The following DGKQ variants were observed in gnomAD, a reference collection of about 807,000 sequenced individuals.
DGKQ encodes the protein diacylglycerol kinase theta, also known as DAG kinase theta.
Under a neutral mutation model 104.2 loss-of-function variants are expected in DGKQ, and 97 were observed. The ratio of observed to expected loss-of-function variants is 0.93; its 90% CI spans 0.79 to 1.10. The LOEUF (loss-of-function observed/expected upper bound fraction) is 1.10, where lower values mean the gene tolerates loss of function less well. Ranked by LOEUF, DGKQ falls within the 50% of genes least tolerant of loss-of-function variation. The pLI is 0.00. For synonymous variants in DGKQ, 736 were observed against 595.2 expected, an observed-to-expected ratio of 1.24 and a Z score of -3.44; for missense variants, 1,465 against 1,352.1, an observed-to-expected ratio of 1.08 and a Z score of -1.31.
At chr4:968,129 G>T in intron 5 of DGKQ, 102 bp from the exon 6 acceptor site, 1 of 862,944 alleles carries the variant, frequency 1.2e-6, no homozygotes. Flanking sequence ...GACCCACCTG[G>T]ACCCCGTGTC....
rs778465641 is a variant in DGKQ at position 967,237 on chromosome 4, G to A, written c.1112C>T (p.Ser371Leu). ...AGGKAGSAVI[S>L]EEGRSPGSGE... ...GGACCCGGGGCTTCTGCCCTCCTCCGAGATCACAGCACTCCCAGCCTTGCC... is the reference window on the plus strand; with the variant it reads ...GGACCCGGGGCTTCTGCCCTCCTCCAAGATCACAGCACTCCCAGCCTTGCC... Residue 371 changes from serine (S) to leucine (L), a missense_variant, in exon 9 of 23, where the codon TCG becomes TTG. By Grantham distance (145) the Ser-to-Leu change is moderately radical. Coordinates refer to ENST00000273814, the MANE Select transcript of DGKQ (RefSeq NM_001347.4). 12 of 1,571,400 alleles carry A rather than the reference G, an allele frequency of 7.6e-6. No homozygotes were observed. The highest frequency in any genetic ancestry group is 2.7e-5 in the African/African-American group (2 of 74,142).
rs115438176 is a variant in DGKQ, at chr4:961,971, G to A, written c.2315+11C>T. ...GCCGTTGACAGGTGGTAGCCCCTGCGGCTCCGGTACCTGCTTGTGAACTTG... is the reference window on the plus strand; with the variant it reads ...GCCGTTGACAGGTGGTAGCCCCTGCAGCTCCGGTACCTGCTTGTGAACTTG... On this transcript the variant is annotated intron_variant, in intron 19 of 22. Transcript: ENST00000273814. The A allele has an allele frequency of 7.0e-3, 11,241 of 1,612,684 alleles. 651 individuals are homozygous for A. In the African/African-American group the frequency reaches 0.13, roughly 19 times the overall value.
chr4:966,774 A>G lies in DGKQ; in HGVS notation c.1340T>C (p.Val447Ala), dbSNP rs1712386351. 4 of 1,609,860 alleles carry G rather than the reference A, an allele frequency of 2.5e-6. No homozygotes were observed. Among genetic ancestry groups the G allele is most frequent in the Non-Finnish European group, 3.4e-6 (4 of 1,178,730 alleles). The change falls in exon 11 of 23, where the codon GTG becomes GCG. Residue 447 changes from valine to alanine, a missense_variant. By Grantham distance (64) the Val-to-Ala change is moderately conservative (BLOSUM62 0). Transcript: ENST00000273814. ...GTGCCTGCAGCCCATCGCCACCTCC[A>G]CCAGCTGGAAGCTCTCGGGACTCTC... Reference protein sequence around the residue: ...QAESPESFQLVEVAMGCRHVQ... With the variant: ...QAESPESFQLAEVAMGCRHVQ...
chr4:961,847 G>A lies in DGKQ; in HGVS notation c.2316-13C>T. 1 of 1,592,670 alleles carries A rather than the reference G, an allele frequency of 6.3e-7. No individual in the cohort carries two copies. The highest frequency in any genetic ancestry group is 8.6e-7 in the Non-Finnish European group (1 of 1,168,958). On this transcript the variant is annotated splice_polypyrimidine_tract_variant and intron_variant, in intron 19 of 22. Coordinates refer to ENST00000273814, the MANE Select transcript of DGKQ (RefSeq NM_001347.4). ...CTTGTTGTGCAGCCTGCAGGACGGG[G>A]CAGGTCACCCATCACCAGGGGAAGC...
intron 15 of DGKQ, 79 bp from the exon 16 acceptor site, chr4:963,369 GC>G: frequency 7.1e-7 from 1 of 1,398,994 alleles, no homozygotes; most frequent in Non-Finnish European, 9.8e-7. Flanking sequence ...GCAGTGCCCA[GC>G]CCCCAACCCT....
chr4:962,352 G>A, intron 18 of DGKQ, 83 bp downstream of exon 18: 1 of 1,369,408 alleles, frequency 7.3e-7, no homozygotes, highest in Non-Finnish European at 9.8e-7. Flanking sequence ...GAGTGTGGCT[G>A]GGAAGAGGAC....
Position 965,496 on chromosome 4 carries a change from G to A in DGKQ, c.1613C>T (p.Ser538Phe), listed in dbSNP as rs773241510. The A allele has an allele frequency of 1.9e-6, 3 of 1,611,754 alleles. No homozygotes were observed. Among genetic ancestry groups the A allele is most frequent in the Admixed American group, 1.7e-5 (1 of 59,842 alleles). Residue 538 changes from serine to phenylalanine, a missense_variant, in exon 14 of 23, where the codon TCC (serine) becomes TTC (phenylalanine). Transcript: ENST00000273814. Reference sequence around the variant, plus strand: ...CGTCCCTCAGGGCAGCTCACCTTGGGAGGAGTAGATGTGACTCACGGACAC... The same window carrying A: ...CGTCCCTCAGGGCAGCTCACCTTGGAAGGAGTAGATGTGACTCACGGACAC... ...TVVSVSHIYS[S>F]QGAVVLDVAC...
chr4:966,915 A>AC lies in DGKQ; in HGVS notation c.1311+48dup, dbSNP rs559760996. The AC allele has an allele frequency of 1.6e-4, 249 of 1,541,406 alleles. 1 individual carries two copies. In the African/African-American group the frequency reaches 3.0e-3, roughly 19 times the overall value. ...GTGGCCTGGCCTCCTGGGGACAGCG[A>AC]CCCCCCACCGAGTCTGGCCGGCATG... On this transcript the variant is annotated intron_variant, in intron 10 of 22. Coordinates refer to ENST00000273814, the MANE Select transcript of DGKQ (RefSeq NM_001347.4).
Position 961,089 on chromosome 4 carries a change from T to C in DGKQ, c.2687A>G (p.Gln896Arg). The C allele has an allele frequency of 6.2e-7, 1 of 1,612,136 alleles. No individual in the cohort carries two copies. Among genetic ancestry groups the C allele is most frequent in the Non-Finnish European group, 8.5e-7 (1 of 1,179,562 alleles). The change falls in exon 22 of 23, where the codon CAG (glutamine) becomes CGG (arginine). Residue 896 changes from glutamine (Q) to arginine (R), a missense_variant. Coordinates refer to ENST00000273814, the MANE Select transcript of DGKQ (RefSeq NM_001347.4). ...PVQVDGEPWV[Q>R]APGHMIISAA... ...TGAGATGATCATGTGCCCCGGGGCC[T>C]GGACCCAGGGCTCCCCGTCCACCTG...
rs980085877 is a variant in DGKQ at position 971,395 on chromosome 4, G to A, written c.272-323C>T. On this transcript the variant is annotated intron_variant, in intron 1 of 22. Transcript: ENST00000273814. The surrounding 1 kb of genome is among the most constrained non-coding windows in gnomAD (Gnocchi z 4.0). ...GTTGGGCCTCTCAAGGGGCAGCCCT[G>A]GGCTCACCAGGTTCGCCAGGTGGCA... Among the ~76,000 whole-genome samples the A allele has an allele frequency of 4.6e-5, 7 of 152,226 alleles. No homozygotes were observed. The highest frequency in any genetic ancestry group is 2.1e-4 in the South Asian group (1 of 4,836).
At chr4:968,743 G>A in intron 3 of DGKQ, 68 bp downstream of exon 3, 2 of 1,467,634 alleles carry the variant, frequency 1.4e-6, no homozygotes, top group South Asian at 1.2e-5. Flanking sequence ...CACAGCAGGG[G>A]TGGGCTGGGC....
rs149082654 is a variant in DGKQ, at chr4:968,815, G to T, written c.447C>A (p.Cys149Ter). The T allele has an allele frequency of 1.9e-6, 3 of 1,609,498 alleles. No homozygotes were observed. The highest frequency in any genetic ancestry group is 2.5e-6 in the Non-Finnish European group (3 of 1,178,588). The change falls in exon 3 of 23, where the codon TGC becomes TGA. Residue 149 changes from cysteine (C) to a stop codon, truncating the protein, a stop_gained. Transcript: ENST00000273814. LOFTEE classifies it high-confidence loss of function. ...AGCCAGGCAGGCTCCAGGTACCTTC[G>T]CAGTGGAGCGCCGGTGCCTCCAGGA... is the stretch of plus-strand genomic sequence containing the variant. ...RKVLEAPALH[C>*]EVCELHLHPD...
At chr4:967,520 G>A (rs371414980) in intron 8 of DGKQ, 29 bp downstream of exon 8, 3 of 1,600,242 alleles carry the variant, frequency 1.9e-6, no homozygotes, top group African/African-American at 1.3e-5. Context: ...CTGGGAGGGG[G>A]CTCAGACCTC....
Position 967,900 on chromosome 4 carries a change from A to G in DGKQ, c.791T>C (p.Ile264Thr). Residue 264 changes from isoleucine (I) to threonine (T), a missense_variant, in exon 6 of 23, where the codon ATC (isoleucine) becomes ACC (threonine). Physicochemically the swap from Ile to Thr is moderately conservative, Grantham distance 89. Transcript: ENST00000273814. ...GGFSKTQSFR[I>T]VEAAEPGEGG... ...CTCACCCGGCTCCGCGGCCTCCACG[A>G]TGCGGAAGCTCTGCGTCTTGCTGAA... The G allele has an allele frequency of 1.4e-6, 2 of 1,453,680 alleles. No individual in the cohort carries two copies. Among genetic ancestry groups the G allele is most frequent in the Non-Finnish European group, 1.8e-6 (2 of 1,111,288 alleles). The allele number at this position is 1,453,680 out of a possible 1,614,324, so 90.0% of individuals were successfully genotyped here.
Position 963,164 on chromosome 4 carries a change from G to A in DGKQ, c.1861C>T (p.Leu621=). The A allele has an allele frequency of 2.5e-6, 4 of 1,606,932 alleles. No homozygotes were observed. Among genetic ancestry groups the A allele is most frequent in the South Asian group, 2.2e-5 (2 of 90,910 alleles). Residue 621 remains leucine (L), a synonymous_variant, in exon 16 of 23, where the codon CTG becomes TTG. Transcript: ENST00000273814. ...CCGGGAAGAGGACCTCCGTTGGTCA[G>A]GTCGAAGACCTGATGAGGGTTCAGT... ...KLLNPHQVFD[L]TNGGPLPGLH...
At chr4:960,776 T>A in intron 22 of DGKQ, 55 bp from the exon 23 acceptor site, 2 of 1,588,156 alleles carry the variant, frequency 1.3e-6, no homozygotes, top group South Asian at 2.2e-5. Flanking sequence ...GAAAGAACGG[T>A]ACACGGGCAG....
Position 966,950 on chromosome 4 carries a change from C to T in DGKQ, c.1311+14G>A, listed in dbSNP as rs980587331. 4.5e-6 allele frequency: 7 copies of T among 1,556,762 alleles called. No individual in the cohort carries two copies. The highest frequency in any genetic ancestry group is 6.1e-6 in the Non-Finnish European group (7 of 1,152,372). Reference sequence around the variant, plus strand: ...GAGTCTGGCCGGCATGGGGAGCAGGCACAGGGTACGCACCTGGCGGCCGAG... The same window carrying T: ...GAGTCTGGCCGGCATGGGGAGCAGGTACAGGGTACGCACCTGGCGGCCGAG... On this transcript the variant is annotated intron_variant, in intron 10 of 22. Coordinates refer to ENST00000273814, the MANE Select transcript of DGKQ (RefSeq NM_001347.4).
At position 968,043 on chromosome 4, in the gene DGKQ, C is replaced by A. The variant is rs1396826869; in HGVS notation, c.664-16G>T. 7.0e-7 allele frequency: 1 copy of A among 1,419,836 alleles called. No individual in the cohort carries two copies. The highest frequency in any genetic ancestry group is 9.1e-7 in the Non-Finnish European group (1 of 1,095,552). The allele number at this position is 1,419,836 out of a possible 1,614,324, so 88.0% of individuals were successfully genotyped here. A position where few individuals can be genotyped will look rare whatever the true frequency, so the allele number is the denominator to read the frequency against. Reference sequence around the variant, plus strand: ...GGGAGTGCGCCTGGGGGGAGAAGGGCCTGAGCTGGGGGGTTGGAGCCAGGG... The same window carrying A: ...GGGAGTGCGCCTGGGGGGAGAAGGGACTGAGCTGGGGGGTTGGAGCCAGGG... On this transcript the variant is annotated splice_polypyrimidine_tract_variant and intron_variant, in intron 5 of 22. Coordinates refer to ENST00000273814, the MANE Select transcript of DGKQ (RefSeq NM_001347.4).
rs368254387 is a variant in DGKQ at position 967,950 on chromosome 4, C to T, written c.741G>A (p.Ala247=). ...GRLRSLVLPP[A]CVRLLPGGFS... Reference sequence around the variant, plus strand: ...AGCCGCCGGGCAGAAGGCGCACGCACGCGGGAGGCAGGACCAGGGAGCGCA... The same window carrying T: ...AGCCGCCGGGCAGAAGGCGCACGCATGCGGGAGGCAGGACCAGGGAGCGCA... Residue 247 remains alanine, a synonymous_variant, in exon 6 of 23, where the codon GCG becomes GCA. Coordinates refer to ENST00000273814, the MANE Select transcript of DGKQ (RefSeq NM_001347.4). 2.2e-4 allele frequency: 333 copies of T among 1,484,138 alleles called. No individual in the cohort carries two copies. Among genetic ancestry groups the T allele is most frequent in the Non-Finnish European group, 2.7e-4 (304 of 1,125,448 alleles). 91.9% of individuals were successfully genotyped at this position (1,484,138 alleles called of 1,614,324 possible).
Sources: allele counts gnomAD v4.1 joint callset (sites outside exome capture counted in the v4.1 genomes callset), GRCh38; gene constraint gnomAD v4.1.1; non-coding constraint Gnocchi (gnomAD v3.1); transcripts MANE v1.5; gene names NCBI Gene and HGNC (gene_info 2026-07-23, HGNC 2026-07-21).